Variants in CDYL observed in about 807,000 individuals in gnomAD.
CDYL encodes chromodomain Y-like protein.
A neutral mutation model predicts 47.3 loss-of-function variants in CDYL; 8 were observed. The observed-to-expected ratio is 0.17, with a 90% CI of 0.10 to 0.31. The LOEUF (loss-of-function observed/expected upper bound fraction) is 0.31, where lower values mean the gene tolerates loss of function less well. CDYL is among the 10% of genes least tolerant of loss of function. The pLI, the probability that CDYL is intolerant of heterozygous loss-of-function variation, is 1.00. For synonymous variants in CDYL, 266 were observed against 265.0 expected (o/e 1.00, Z -0.04); for missense variants, 471 against 701.4 (o/e 0.67, Z 3.71).
chr6:4,921,614 A>G (rs986723732), intron 2 of CDYL, among the ~76,000 whole-genome samples: 5 of 152,084 alleles, frequency 3.3e-5, no homozygotes, highest in South Asian at 2.1e-4. Context: ...GCCCTTTCCA[A>G]TGCCTCCACC....
chr6:4,768,211 C>T (rs1277484133), intron 3 of CDYL, among the ~76,000 whole-genome samples: 3 of 152,326 alleles, frequency 2.0e-5, no homozygotes, highest in Admixed American at 1.3e-4. Flanking sequence ...GATTTTAGCT[C>T]GCTAGTTCAG....
chr6:4,726,261 GC>G (rs747544507), intron 2 of CDYL, among the ~76,000 whole-genome samples: 4 of 152,080 alleles, frequency 2.6e-5, no homozygotes, highest in Admixed American at 6.5e-5. Flanking sequence ...AATTAGGCCG[GC>G]GTGGCGGCTC....
chr6:4,914,620 T>G (rs1757505683), intron 2 of CDYL, among the ~76,000 whole-genome samples: 1 of 152,218 alleles, frequency 6.6e-6, no homozygotes, highest in Admixed American at 6.5e-5. Flanking sequence ...AATTGATAGT[T>G]TATCCAGCTG....
At chr6:4,714,771 G>A (rs879494143) in intron 1 of CDYL, 1 of 152,178 alleles carries the variant, frequency 6.6e-6, no homozygotes, top group African/African-American at 2.4e-5. Context: ...TGCCTTCAGG[G>A]TCACACCAAC....
In CDYL at chr6:4,782,787, C is replaced by T. The variant is rs191155809; in HGVS notation, c.24+5980C>T. Among the ~76,000 whole-genome samples, 366 of 152,330 alleles carry T rather than the reference C, an allele frequency of 2.4e-3. 1 individual carries two copies. The highest frequency in any genetic ancestry group is 6.2e-3 in the South Asian group (30 of 4,826). On this transcript the variant is annotated intron_variant, in intron 1 of 6. Transcript: ENST00000397588. The stretch of plus-strand genomic sequence containing the variant: ...TCGAGACCTTTGAACTAAGACTTAT[C>T]TGTGGCTGCCCTCCACGGACCACTT...
Position 4,900,326 on chromosome 6 carries a change from C to T in CDYL, c.691+7947C>T, listed in dbSNP as rs971402955. Among the ~76,000 whole-genome samples, 7 of 152,132 alleles carry T rather than the reference C, an allele frequency of 4.6e-5. No individual in the cohort carries two copies. In the East Asian group the frequency reaches 1.3e-3, roughly 29 times the overall value. On this transcript the variant is annotated intron_variant, in intron 2 of 6. Transcript: ENST00000397588. ...TTATATAAATATGATTTCAAACTTA[C>T]AAGTTGCAAGACCAGTACAAGAAAT...
chr6:4,913,679 C>T (rs377370039), intron 2 of CDYL, among the ~76,000 whole-genome samples: 4 of 152,158 alleles, frequency 2.6e-5, no homozygotes, highest in East Asian at 1.9e-4. Context: ...AAAAGAGGAC[C>T]GTCTAGTCTA....
chr6:4,904,109 G>A (rs1757153952), intron 2 of CDYL, among the ~76,000 whole-genome samples: 1 of 152,246 alleles, frequency 6.6e-6, no homozygotes, highest in African/African-American at 2.4e-5. Context: ...CAGACCAGAG[G>A]CCGGGCCCCT....
intron 1 of CDYL, among the ~76,000 whole-genome samples, chr6:4,863,666 A>T (rs1259917636): frequency 6.6e-6 from 1 of 152,242 alleles, no homozygotes; most frequent in Non-Finnish European, 1.5e-5. Flanking sequence ...TTCTACAAGC[A>T]TGTTTAATCA....
At chr6:4,827,542 A>G (rs938034356) in intron 1 of CDYL, among the ~76,000 whole-genome samples, 1 of 152,248 alleles carries the variant, frequency 6.6e-6, no homozygotes, top group African/African-American at 2.4e-5. Flanking sequence ...CTTCAATAGC[A>G]TACAAATGTC....
At chr6:4,857,471 G>T (rs1035577263) in intron 1 of CDYL, among the ~76,000 whole-genome samples, 7 of 152,338 alleles carry the variant, frequency 4.6e-5, no homozygotes, top group Non-Finnish European at 8.8e-5. Context: ...ATAAGTCTAA[G>T]AGACTCTTAC....
chr6:4,906,962 A>G (rs1233276628), intron 2 of CDYL, among the ~76,000 whole-genome samples: 1 of 152,242 alleles, frequency 6.6e-6, no homozygotes, highest in Non-Finnish European at 1.5e-5. Flanking sequence ...TATATTGTGC[A>G]GTCTAATGTG....
intron 1 of CDYL, among the ~76,000 whole-genome samples, chr6:4,873,148 T>A (rs561322036): frequency 2.6e-5 from 4 of 152,234 alleles, no homozygotes; most frequent in African/African-American, 9.6e-5. Flanking sequence ...GTGGTTTTAT[T>A]TGTACCAGAC....
intron 1 of CDYL, among the ~76,000 whole-genome samples, chr6:4,834,925 C>G (rs1760253074): frequency 6.6e-6 from 1 of 152,212 alleles, no homozygotes; most frequent in African/African-American, 2.4e-5. Flanking sequence ...TCAGCTCCAT[C>G]AGCCCCTTTA....
chr6:4,836,581 A>G (rs1760314450), intron 1 of CDYL, among the ~76,000 whole-genome samples: 1 of 152,194 alleles, frequency 6.6e-6, no homozygotes, highest in Admixed American at 6.5e-5. Flanking sequence ...AGTCCTTTAA[A>G]AGATTGCTCA....
chr6:4,902,941 G>A (rs1173350234), intron 2 of CDYL, among the ~76,000 whole-genome samples: 3 of 152,200 alleles, frequency 2.0e-5, no homozygotes, highest in African/African-American at 4.8e-5. Context: ...TAAAATGGAA[G>A]TGTTGTGCAG....
chr6:4,834,479 C>T (rs1208133755), intron 1 of CDYL, among the ~76,000 whole-genome samples: 1 of 149,444 alleles, frequency 6.7e-6, no homozygotes, highest in Non-Finnish European at 1.5e-5. Flanking sequence ...GTGGGTAACC[C>T]GACCTTTCTC....
chr6:4,899,241 G>A (rs969057468), intron 2 of CDYL, among the ~76,000 whole-genome samples: 3 of 152,180 alleles, frequency 2.0e-5, no homozygotes, highest in Admixed American at 6.5e-5. Flanking sequence ...GAAGGAGAGC[G>A]TTCCCTCTAT....
At chr6:4,952,551 C>T in intron 6 of CDYL, 142 bp downstream of exon 6, 1 of 876,304 alleles carries the variant, frequency 1.1e-6, no homozygotes. Context: ...CTGCCAGAAC[C>T]TATTGCCGCC....
Sources: allele counts gnomAD v4.1 joint callset (sites outside exome capture counted in the v4.1 genomes callset), GRCh38; gene constraint gnomAD v4.1.1; transcripts MANE v1.5; gene names NCBI Gene and HGNC (gene_info 2026-07-23, HGNC 2026-07-21).